ZFPM2: variants seen among roughly 807,000 people sequenced by gnomAD.
ZFPM2 encodes the protein zinc finger protein ZFPM2.
In ZFPM2, 20 loss-of-function variants were observed where a neutral mutation model predicts 98.6. The observed-to-expected ratio is 0.20, with a 90% CI of 0.14 to 0.29. ZFPM2 has a LOEUF of 0.29. ZFPM2 is among the 10% of genes least tolerant of loss of function. The pLI is 1.00. For missense variants in ZFPM2, 1,310 were observed against 1,388.6 expected, an observed-to-expected ratio of 0.94 and a Z score of 0.90; for synonymous variants, 518 against 502.7, an observed-to-expected ratio of 1.03 and a Z score of -0.41.
chr8:105,669,412 AATAT>A (rs751723461), intron 5 of ZFPM2, among the ~76,000 whole-genome samples: 1 of 148,694 alleles, frequency 6.7e-6, no homozygotes, highest in African/African-American at 2.5e-5. Context: ...ATTTGGGGCA[AATAT>A]ATATATATAT....
chr8:105,493,364 G>A (rs1033642743), intron 3 of ZFPM2, among the ~76,000 whole-genome samples: 6 of 152,204 alleles, frequency 3.9e-5, no homozygotes, highest in South Asian at 4.1e-4. Flanking sequence ...TTTTGGAAAA[G>A]CAGGTATTTG....
At chr8:105,772,826 T>A (rs1813010447) in intron 5 of ZFPM2, among the ~76,000 whole-genome samples, 1 of 152,146 alleles carries the variant, frequency 6.6e-6, no homozygotes, top group Admixed American at 6.6e-5. Flanking sequence ...TTAGCCCTAG[T>A]CACTTGGTGA....
Position 105,423,130 on chromosome 8 carries a change from G to C in ZFPM2, c.199+3828G>C, listed in dbSNP as rs936790463. Among the ~76,000 whole-genome samples the C allele has an allele frequency of 5.3e-5, 8 of 152,184 alleles. 1 individual carries two copies. Among genetic ancestry groups the C allele is most frequent in the African/African-American group, 1.9e-4 (8 of 41,536 alleles). On this transcript the variant is annotated intron_variant, in intron 2 of 7. Coordinates refer to ENST00000407775, the MANE Select transcript of ZFPM2 (RefSeq NM_012082.4). ...TATTATAAACCATGTGATTAAATAAGACCCAAATCACTCTTATAATGTAAG... is the reference window on the plus strand; with the variant it reads ...TATTATAAACCATGTGATTAAATAACACCCAAATCACTCTTATAATGTAAG...
At chr8:105,450,141 A>G (rs1812457092) in intron 3 of ZFPM2, among the ~76,000 whole-genome samples, 1 of 152,104 alleles carries the variant, frequency 6.6e-6, no homozygotes. Flanking sequence ...AAGTTGCTTT[A>G]TACAGTTGCT....
chr8:105,554,836 A>C (rs1341576122), intron 3 of ZFPM2, among the ~76,000 whole-genome samples: 1 of 152,104 alleles, frequency 6.6e-6, no homozygotes, highest in Non-Finnish European at 1.5e-5. Flanking sequence ...TAAAAGACTC[A>C]TATCTGTCTG....
intron 5 of ZFPM2, among the ~76,000 whole-genome samples, chr8:105,709,407 T>G (rs1811330306): frequency 1.3e-5 from 2 of 152,154 alleles, no homozygotes. Context: ...ATGTTTTCTT[T>G]TTTCTTCTAA....
chr8:105,390,575 C>T (rs1275951337), intron 1 of ZFPM2, among the ~76,000 whole-genome samples: 4 of 151,862 alleles, frequency 2.6e-5, no homozygotes, highest in South Asian at 2.1e-4. Context: ...TGATTGAACT[C>T]GATCTCCACT....
intron 5 of ZFPM2, among the ~76,000 whole-genome samples, chr8:105,713,027 T>G (rs1811440367): frequency 6.6e-6 from 1 of 152,038 alleles, no homozygotes; most frequent in African/African-American, 2.4e-5. Flanking sequence ...TAGTACAATT[T>G]TATTTTCCTT....
chr8:105,540,316 A>G (rs1814549493), intron 3 of ZFPM2, among the ~76,000 whole-genome samples: 1 of 152,090 alleles, frequency 6.6e-6, no homozygotes, highest in Non-Finnish European at 1.5e-5. Context: ...TACTTGAGCA[A>G]GGTTTTGTGA....
intron 5 of ZFPM2, among the ~76,000 whole-genome samples, chr8:105,694,208 A>C (rs181458002): frequency 2.0e-5 from 3 of 151,776 alleles, no homozygotes; most frequent in East Asian, 1.9e-4. Context: ...GGATGGTCTC[A>C]ATCTCCTGAC....
intron 5 of ZFPM2, among the ~76,000 whole-genome samples, chr8:105,716,430 A>T: frequency 6.6e-6 from 1 of 152,082 alleles, no homozygotes; most frequent in Non-Finnish European, 1.5e-5. Flanking sequence ...ATATACATAC[A>T]TACAGATATA....
At chr8:105,705,241 ATTT>A (rs1811228624) in intron 5 of ZFPM2, among the ~76,000 whole-genome samples, 1 of 152,102 alleles carries the variant, frequency 6.6e-6, no homozygotes, top group Non-Finnish European at 1.5e-5. Context: ...GGGAATAAAA[ATTT>A]TTAATAAAAG....
intron 4 of ZFPM2, among the ~76,000 whole-genome samples, chr8:105,633,465 G>A: frequency 6.6e-6 from 1 of 152,178 alleles, no homozygotes; most frequent in South Asian, 2.1e-4. Context: ...ATTTATCCAC[G>A]GAGTTTTACA....
intron 5 of ZFPM2, among the ~76,000 whole-genome samples, chr8:105,645,648 T>A (rs963261742): frequency 1.3e-5 from 2 of 152,158 alleles, no homozygotes; most frequent in African/African-American, 2.4e-5. Flanking sequence ...CTGGGAAGCA[T>A]AGCCTACACC....
intron 5 of ZFPM2, among the ~76,000 whole-genome samples, chr8:105,738,613 G>A (rs1812143314): frequency 6.6e-6 from 1 of 151,982 alleles, no homozygotes; most frequent in African/African-American, 2.4e-5. Context: ...TTCTGCAATG[G>A]TTGAACTAAT....
chr8:105,481,592 T>A (rs1157641721), intron 3 of ZFPM2, among the ~76,000 whole-genome samples: 13 of 152,148 alleles, frequency 8.5e-5, no homozygotes, highest in Admixed American at 7.2e-4. Context: ...ACTGTCATAG[T>A]GGGAATTAGG....
intron 3 of ZFPM2, among the ~76,000 whole-genome samples, chr8:105,458,961 A>C (rs2130292094): frequency 6.6e-6 from 1 of 152,324 alleles, no homozygotes; most frequent in Non-Finnish European, 1.5e-5. Context: ...ATAGGGTGAT[A>C]AAGGAAAAAA....
chr8:105,363,946 T>C (rs552867058), intron 1 of ZFPM2, among the ~76,000 whole-genome samples: 2 of 152,286 alleles, frequency 1.3e-5, no homozygotes, highest in East Asian at 3.9e-4. Context: ...GTCTGTCTTA[T>C]GTACTGCATA....
In ZFPM2 at chr8:105,710,092, C is replaced by CTT. The variant is rs367622436; in HGVS notation, c.532+75746_532+75747dup. Among the ~76,000 whole-genome samples, 21 of 143,104 alleles carry CTT rather than the reference C, an allele frequency of 1.5e-4. No individual in the cohort carries two copies. In the East Asian group the frequency reaches 2.2e-3, roughly 15 times the overall value. The allele number at this position is 143,104 out of a possible 152,430, so 93.9% of individuals were successfully genotyped here. A position where few individuals can be genotyped will look rare whatever the true frequency, so the allele number is the denominator to read the frequency against. On this transcript the variant is annotated intron_variant, in intron 5 of 7. Coordinates refer to ENST00000407775, the MANE Select transcript of ZFPM2 (RefSeq NM_012082.4). ...TCTTTAGCCATTATTTAGTCTGATCCTTTTTTTTTTTTCATGAAGAAGCAT... is the reference window on the plus strand; with the variant it reads ...TCTTTAGCCATTATTTAGTCTGATCCTTTTTTTTTTTTTTCATGAAGAAGCAT...
Sources: gnomAD v4.1 joint callset for allele counts (sites outside exome capture counted in the v4.1 genomes callset) on GRCh38, gnomAD v4.1.1 for gene constraint, MANE v1.5 for transcripts, NCBI Gene and HGNC (gene_info 2026-07-23, HGNC 2026-07-21) for gene names.